LRRC20: variants seen among roughly 807,000 people sequenced by gnomAD.
LRRC20 encodes leucine rich repeat containing 20, also known as leucine-rich repeat-containing protein 20.
A neutral mutation model predicts 14.4 loss-of-function variants in LRRC20; 11 were observed. The observed-to-expected ratio is 0.77, with a 90% CI of 0.48 to 1.27. The LOEUF is 1.27. Ranked by LOEUF, LRRC20 falls within the 50% of genes most tolerant of loss-of-function variation. The pLI is 0.00. For missense variants in LRRC20, 219 were observed against 251.2 expected, an observed-to-expected ratio of 0.87 and a Z score of 0.87; for synonymous variants, 121 against 107.3, an observed-to-expected ratio of 1.13 and a Z score of -0.79.
At chr10:70,330,305 G>A (rs1842488812) in intron 3 of LRRC20, among the ~76,000 whole-genome samples, 2 of 151,912 alleles carry the variant, frequency 1.3e-5, no homozygotes, top group South Asian at 4.2e-4. Context: ...GTCTCTTCAG[G>A]TTGTCTGTTT....
At chr10:70,367,455 C>T (rs1430039698) in intron 2 of LRRC20, among the ~76,000 whole-genome samples, 2 of 152,126 alleles carry the variant, frequency 1.3e-5, no homozygotes, top group Non-Finnish European at 2.9e-5. Context: ...GTCCAAATGT[C>T]CTTCAGCAGA....
chr10:70,315,760 G>C (rs145064355), intron 4 of LRRC20, among the ~76,000 whole-genome samples: 1 of 152,106 alleles, frequency 6.6e-6, no homozygotes, highest in Non-Finnish European at 1.5e-5. Flanking sequence ...TGATCTCCAC[G>C]CTTCAGCCCA....
chr10:70,360,205 C>T lies in LRRC20; in HGVS notation c.82+16247G>A, dbSNP rs538801972. On this transcript the variant is annotated intron_variant, in intron 2 of 4. Coordinates refer to ENST00000446961, the MANE Select transcript of LRRC20 (RefSeq NM_001278212.2). ...CTGGGATTACAGGCGTAAGCCACTG[C>T]GCCCATCCGCATTTCTTTTATTTTT... Among the ~76,000 whole-genome samples, 44 of 152,294 alleles carry T rather than the reference C, an allele frequency of 2.9e-4. No homozygotes were observed. The Middle Eastern group carries it at 0.014, about 47-fold the overall frequency.
chr10:70,375,760 C>T (rs1844485199), intron 2 of LRRC20, among the ~76,000 whole-genome samples: 1 of 10,768 alleles, frequency 9.3e-5, no homozygotes, highest in Non-Finnish European at 7.8e-4. Flanking sequence ...CACTCGGGCA[C>T]ATGCACGCAC....
intron 3 of LRRC20, among the ~76,000 whole-genome samples, chr10:70,339,891 C>T (rs766274597): frequency 5.3e-5 from 8 of 151,998 alleles, no homozygotes; most frequent in Non-Finnish European, 8.8e-5. Flanking sequence ...GAGACTGAGG[C>T]GGGCAGATCA....
At chr10:70,353,637 C>G (rs895233860) in intron 2 of LRRC20, among the ~76,000 whole-genome samples, 1 of 152,078 alleles carries the variant, frequency 6.6e-6, no homozygotes, top group Non-Finnish European at 1.5e-5. Flanking sequence ...AGGCTGGTCT[C>G]GAACTCCTGA....
At chr10:70,379,816 G>C (rs1039348109) in intron 1 of LRRC20, among the ~76,000 whole-genome samples, 10 of 152,104 alleles carry the variant, frequency 6.6e-5, no homozygotes, top group South Asian at 2.1e-4. Context: ...CATCCTTTTC[G>C]GTTTCCTGGA....
intron 2 of LRRC20, 29 bp from the exon 3 acceptor site, chr10:70,340,731 A>C (rs1404144949): frequency 6.2e-7 from 1 of 1,613,178 alleles, no homozygotes; most frequent in Non-Finnish European, 8.5e-7. Context: ...AACAAACCAG[A>C]GTTATCAGCC....
intron 2 of LRRC20, among the ~76,000 whole-genome samples, chr10:70,356,687 C>T (rs1057152290): frequency 6.6e-6 from 1 of 151,976 alleles, no homozygotes; most frequent in Non-Finnish European, 1.5e-5. Context: ...CCCGTCTCTA[C>T]TAAAAATACA....
chr10:70,347,425 C>G (rs998413215), intron 2 of LRRC20, among the ~76,000 whole-genome samples: 21 of 152,092 alleles, frequency 1.4e-4, no homozygotes, highest in African/African-American at 4.6e-4. Context: ...CGGAGTAGAT[C>G]AGCCCAGAAA....
At chr10:70,320,318 GATA>G in intron 4 of LRRC20, among the ~76,000 whole-genome samples, 1 of 151,988 alleles carries the variant, frequency 6.6e-6, no homozygotes, top group South Asian at 2.1e-4. Context: ...TAGATAGATA[GATA>G]GATAGATAGA....
At chr10:70,346,711 T>C (rs1348085432) in intron 2 of LRRC20, among the ~76,000 whole-genome samples, 1 of 152,234 alleles carries the variant, frequency 6.6e-6, no homozygotes, top group Non-Finnish European at 1.5e-5. Flanking sequence ...ATAACCAGAA[T>C]GCTAACAGTG....
At chr10:70,339,467 C>T (rs753417350) in intron 3 of LRRC20, among the ~76,000 whole-genome samples, 2 of 152,182 alleles carry the variant, frequency 1.3e-5, no homozygotes, top group East Asian at 3.9e-4. Context: ...GGTGAGAGCG[C>T]AAGGAGGCTG....
chr10:70,323,181 G>C (rs1344731552), intron 4 of LRRC20, among the ~76,000 whole-genome samples: 2 of 152,080 alleles, frequency 1.3e-5, no homozygotes, highest in Non-Finnish European at 2.9e-5. Flanking sequence ...ACCCCACCCA[G>C]TGCCCAGGTT....
chr10:70,348,066 A>T (rs1325833876), intron 2 of LRRC20, among the ~76,000 whole-genome samples: 1 of 152,052 alleles, frequency 6.6e-6, no homozygotes, highest in Non-Finnish European at 1.5e-5. Flanking sequence ...TTGTGTCCCC[A>T]GGGATTCCAT....
intron 3 of LRRC20, among the ~76,000 whole-genome samples, chr10:70,334,691 C>T (rs1419511422): frequency 4.6e-5 from 7 of 152,158 alleles, no homozygotes; most frequent in African/African-American, 1.4e-4. Context: ...TTTAACCTAG[C>T]TTCTCCATGC....
chr10:70,355,937 G>A (rs991884963), intron 2 of LRRC20, among the ~76,000 whole-genome samples: 2 of 152,126 alleles, frequency 1.3e-5, no homozygotes, highest in African/African-American at 4.8e-5. Flanking sequence ...GCCTTCTCAC[G>A]TCCTGCTGCA....
At chr10:70,378,477 T>C (rs947705275) in intron 1 of LRRC20, among the ~76,000 whole-genome samples, 8 of 134,758 alleles carry the variant, frequency 5.9e-5, no homozygotes, top group Admixed American at 2.2e-4. Flanking sequence ...ACTCCGTCTC[T>C]ACTAAAAATA....
intron 3 of LRRC20, among the ~76,000 whole-genome samples, chr10:70,325,380 C>G (rs1207510954): frequency 5.9e-5 from 9 of 152,196 alleles, no homozygotes; most frequent in Admixed American, 6.5e-5. Flanking sequence ...CTGGCCTCCC[C>G]CTCCCATCCC....
Sources: gnomAD v4.1 joint callset for allele counts (sites outside exome capture counted in the v4.1 genomes callset) on GRCh38, gnomAD v4.1.1 for gene constraint, MANE v1.5 for transcripts, NCBI Gene and HGNC (gene_info 2026-07-23, HGNC 2026-07-21) for gene names.